Variants in RAD51B observed in about 807,000 individuals in gnomAD.
RAD51B encodes the protein RAD51 paralog B.
RAD51B carries 38 observed loss-of-function variants against 42.2 expected under a neutral mutation model. The observed-to-expected ratio is 0.90, with a 90% CI of 0.70 to 1.18. RAD51B has a LOEUF of 1.18. Ranked by LOEUF, RAD51B falls within the 50% of genes most tolerant of loss-of-function variation. The probability of loss-of-function intolerance (pLI) is 0.00; values close to 1 mark genes in which losing one functional copy is unlikely to be tolerated. For synonymous variants in RAD51B, 154 were observed against 145.2 expected (o/e 1.06, Z -0.43); for missense variants, 373 against 400.7 (o/e 0.93, Z 0.59).
At chr14:67,831,125 T>C (rs922371160) in intron 3 of RAD51B, among the ~76,000 whole-genome samples, 1 of 152,132 alleles carries the variant, frequency 6.6e-6, no homozygotes, top group Non-Finnish European at 1.5e-5. Flanking sequence ...TCCACCTGCC[T>C]CAGCCTCCCA....
intron 10 of RAD51B, among the ~76,000 whole-genome samples, chr14:68,581,257 G>A (rs150660801): frequency 3.9e-5 from 6 of 152,300 alleles, no homozygotes; most frequent in African/African-American, 1.4e-4. Flanking sequence ...GCTGGGTGGT[G>A]GTGTGAGCCA....
At chr14:68,357,115 GTCAA>G (rs1422638150) in intron 8 of RAD51B, among the ~76,000 whole-genome samples, 1 of 152,062 alleles carries the variant, frequency 6.6e-6, no homozygotes, top group African/African-American at 2.4e-5. Context: ...CAAAATTGGA[GTCAA>G]TCCTTTCAAA....
At chr14:68,169,608 C>T (rs2078827471) in intron 7 of RAD51B, among the ~76,000 whole-genome samples, 2 of 152,152 alleles carry the variant, frequency 1.3e-5, no homozygotes, top group South Asian at 4.1e-4. Context: ...TCTTGTATCA[C>T]ACATAACTCT....
intron 8 of RAD51B, among the ~76,000 whole-genome samples, chr14:68,365,717 C>T (rs1252104176): frequency 6.6e-6 from 1 of 152,184 alleles, no homozygotes; most frequent in South Asian, 2.1e-4. Flanking sequence ...AAAAATTCAT[C>T]TGTATAAACT....
chr14:68,161,347 C>T (rs1337524112), intron 7 of RAD51B, among the ~76,000 whole-genome samples: 1 of 152,192 alleles, frequency 6.6e-6, no homozygotes, highest in Non-Finnish European at 1.5e-5. Context: ...ACTCTACTAG[C>T]TTAGCAACCT....
Position 68,167,909 on chromosome 14 carries a change from T to C in RAD51B, c.757-123975T>C, listed in dbSNP as rs538505476. 1.3e-3 allele frequency among the ~76,000 whole-genome samples: 198 copies of C among 152,298 alleles called. 1 individual carries two copies. Among genetic ancestry groups the C allele is most frequent in the Non-Finnish European group, 2.2e-3 (151 of 68,004 alleles). The stretch of plus-strand genomic sequence containing the variant: ...CTTATGAGATGGATTTTATTGTATA[T>C]ACTTTAACTTTATCTCTAAAGCATA... On this transcript the variant is annotated intron_variant, in intron 7 of 10. Coordinates refer to ENST00000471583, the MANE Select transcript of RAD51B (RefSeq NM_133510.4).
intron 7 of RAD51B, among the ~76,000 whole-genome samples, chr14:68,113,372 A>T (rs998036702): frequency 1.3e-5 from 2 of 152,168 alleles, no homozygotes; most frequent in Non-Finnish European, 2.9e-5. Flanking sequence ...CAAATCATAA[A>T]GTCACTAATA....
intron 7 of RAD51B, chr14:68,236,435 C>G (rs1233138879): frequency 6.6e-6 from 1 of 152,074 alleles, no homozygotes; most frequent in East Asian, 1.9e-4. Flanking sequence ...GTGAGGATAC[C>G]TGATCAGCAT....
chr14:68,323,942 G>A (rs1016915428), intron 8 of RAD51B, among the ~76,000 whole-genome samples: 9 of 152,134 alleles, frequency 5.9e-5, no homozygotes, highest in South Asian at 2.1e-4. Context: ...AGAGCCCAGC[G>A]GACCTGTTGA....
chr14:67,856,653 C>A (rs771256540), intron 4 of RAD51B, among the ~76,000 whole-genome samples: 5 of 152,092 alleles, frequency 3.3e-5, no homozygotes, highest in Non-Finnish European at 5.9e-5. Context: ...GGAGAGTTAA[C>A]TTGATAAGAT....
chr14:68,042,637 C>T lies in RAD51B; in HGVS notation c.756+155433C>T, dbSNP rs1340885878. Reference sequence around the variant, plus strand: ...CTCCCCTTTCCCATGCTTTTGTTTCCTTGAGAAAAGGAGCGTCCCTCTTAG... The same window carrying T: ...CTCCCCTTTCCCATGCTTTTGTTTCTTTGAGAAAAGGAGCGTCCCTCTTAG... On this transcript the variant is annotated intron_variant, in intron 7 of 10. Transcript: ENST00000471583. Among the ~76,000 whole-genome samples, 4 of 151,832 alleles carry T rather than the reference C, an allele frequency of 2.6e-5. No individual in the cohort carries two copies. In the East Asian group the frequency reaches 7.7e-4, roughly 29 times the overall value.
chr14:68,123,595 G>C (rs1461068545), intron 7 of RAD51B, among the ~76,000 whole-genome samples: 1 of 152,116 alleles, frequency 6.6e-6, no homozygotes, highest in Non-Finnish European at 1.5e-5. Context: ...ATCACTTGAG[G>C]TCAGGAGATC....
At chr14:67,912,551 C>G (rs574590024) in intron 7 of RAD51B, among the ~76,000 whole-genome samples, 1 of 151,978 alleles carries the variant, frequency 6.6e-6, no homozygotes, top group Non-Finnish European at 1.5e-5. Context: ...AGAAAGAGCT[C>G]ACTGTAATAG....
chr14:68,120,399 A>T (rs2077627715), intron 7 of RAD51B, among the ~76,000 whole-genome samples: 1 of 152,146 alleles, frequency 6.6e-6, no homozygotes, highest in Non-Finnish European at 1.5e-5. Flanking sequence ...AGGCCATATA[A>T]GTGGTTTAAG....
chr14:68,547,630 T>C (rs532999172), intron 10 of RAD51B, among the ~76,000 whole-genome samples: 125 of 152,306 alleles, frequency 8.2e-4, no homozygotes, highest in Admixed American at 6.8e-3. Context: ...GCCCTGTCTC[T>C]TTCCCTCTCT....
intron 10 of RAD51B, among the ~76,000 whole-genome samples, chr14:68,552,164 A>AGTGCTCGAAACCGCTGTCCC (rs1334739148): frequency 3.3e-5 from 5 of 152,232 alleles, no homozygotes; most frequent in Admixed American, 6.5e-5. Flanking sequence ...GATGCTGGCC[A>AGTGCTCGAAACCGCTGTCCC]GTGCTCGAAA....
At chr14:68,119,748 T>A (rs2077614654) in intron 7 of RAD51B, among the ~76,000 whole-genome samples, 1 of 151,792 alleles carries the variant, frequency 6.6e-6, no homozygotes, top group Non-Finnish European at 1.5e-5. Flanking sequence ...TCCCAAGTCT[T>A]TGCTATTGTG....
intron 7 of RAD51B, among the ~76,000 whole-genome samples, chr14:67,906,453 G>C (rs2043784113): frequency 6.6e-6 from 1 of 152,068 alleles, no homozygotes; most frequent in South Asian, 2.1e-4. Flanking sequence ...TTTGGGAATA[G>C]TTTCAGTAGG....
chr14:68,086,933 C>T (rs752162342), intron 7 of RAD51B, among the ~76,000 whole-genome samples: 22 of 151,914 alleles, frequency 1.4e-4, no homozygotes, highest in African/African-American at 3.6e-4. Context: ...GTCAGGAGTT[C>T]GAGACCAGCC....
Sources: gnomAD v4.1 joint callset for allele counts (sites outside exome capture counted in the v4.1 genomes callset) on GRCh38, gnomAD v4.1.1 for gene constraint, MANE v1.5 for transcripts, NCBI Gene and HGNC (gene_info 2026-07-23, HGNC 2026-07-21) for gene names.